FGFR2: variants seen among roughly 807,000 people sequenced by gnomAD.
FGFR2 encodes the protein fibroblast growth factor receptor 2.
Under a neutral mutation model 95.9 loss-of-function variants are expected in FGFR2, and 19 were observed. The ratio of observed to expected loss-of-function variants is 0.20; its 90% confidence interval spans 0.14 to 0.29. FGFR2 has a LOEUF of 0.29. Ranked by LOEUF, FGFR2 falls within the 10% of genes least tolerant of loss-of-function variation. The pLI, the probability that FGFR2 is intolerant of heterozygous loss-of-function variation, is 1.00. For synonymous variants in FGFR2, 392 were observed against 393.3 expected (o/e 1.00, Z 0.04); for missense variants, 707 against 1,056.9 (o/e 0.67, Z 4.59).
At chr10:121,546,887 A>G (rs1854596361) in intron 5 of FGFR2, among the ~76,000 whole-genome samples, 1 of 152,220 alleles carries the variant, frequency 6.6e-6, no homozygotes, top group South Asian at 2.1e-4. Flanking sequence ...CTTTCTGGAA[A>G]AATGTATCTT....
At chr10:121,564,424 G>A (rs1369119865) in intron 4 of FGFR2, 78 bp downstream of exon 4, 7 of 1,338,168 alleles carry the variant, frequency 5.2e-6, no homozygotes, top group East Asian at 2.3e-5. Context: ...CAGAAGAGTC[G>A]ACAAGAAGAC....
At chr10:121,519,056 G>A (rs41295553) in intron 7 of FGFR2, among the ~76,000 whole-genome samples, 2 of 152,334 alleles carry the variant, frequency 1.3e-5, no homozygotes, top group South Asian at 2.1e-4. Flanking sequence ...TGGATAGGTC[G>A]GGTGGGTCCC....
chr10:121,515,287 G>T lies in FGFR2; in HGVS notation c.1117C>A (p.Pro373Thr), dbSNP rs1458741036. 1 of 1,614,102 alleles carries T rather than the reference G, an allele frequency of 6.2e-7. No individual in the cohort carries two copies. Among genetic ancestry groups the T allele is most frequent in the Admixed American group, 1.7e-5 (1 of 60,012 alleles). ...TAAATGGCTATCTCCAGGTAGTCTG[G>T]GGAAGCTGTAATCTCCTTTTCTCTT... ...PGREKEITAS[P>T]DYLEIAIYCI... The change falls in exon 9 of 18, where the codon CCA becomes ACA. Residue 373 changes from proline to threonine, a missense_variant. Transcript: ENST00000358487.
At chr10:121,571,509 G>A (rs567036940) in intron 2 of FGFR2, among the ~76,000 whole-genome samples, 4 of 149,852 alleles carry the variant, frequency 2.7e-5, no homozygotes, top group South Asian at 4.2e-4. Context: ...GTTTTACCAC[G>A]TTGCCCAGCC....
rs186606223 is a variant in FGFR2 at position 121,488,159 on chromosome 10, C to T, written c.1864-46G>A. The T allele has an allele frequency of 9.5e-4, 1,535 of 1,609,024 alleles. 9 individuals are homozygous for T. The African/African-American group carries it at 0.019, about 20-fold the overall frequency. On this transcript the variant is annotated intron_variant, in intron 13 of 17. Coordinates refer to ENST00000358487, the MANE Select transcript of FGFR2 (RefSeq NM_000141.5). ...AGAGAAATAACTAATTTCAAAACAC[C>T]GCCAGAACAAAAAGGAAATATGTTC...
At chr10:121,592,465 C>T (rs1862797894) in intron 2 of FGFR2, among the ~76,000 whole-genome samples, 1 of 152,178 alleles carries the variant, frequency 6.6e-6, no homozygotes, top group Non-Finnish European at 1.5e-5. Context: ...GAGCTGCCAT[C>T]CCTCTGTGTA....
Position 121,483,728 on chromosome 10 carries a change from C to T in FGFR2, c.2271G>A (p.Leu757=), listed in dbSNP as rs1589707913. 1 of 1,613,976 alleles carries T rather than the reference C, an allele frequency of 6.2e-7. No individual in the cohort carries two copies. Among genetic ancestry groups the T allele is most frequent in the Non-Finnish European group, 8.5e-7 (1 of 1,180,012 alleles). Reference sequence around the variant, plus strand: ...TGGTTGTGAGAGTGAGAATTCGATCCAAGTCTTCTACCAACTGCTTGAACG... The same window carrying T: ...TGGTTGTGAGAGTGAGAATTCGATCTAAGTCTTCTACCAACTGCTTGAACG... ...RPTFKQLVED[L]DRILTLTTNE... The change falls in exon 17 of 18, where the codon TTG becomes TTA. Residue 757 remains leucine, a synonymous_variant. Transcript: ENST00000358487.
intron 4 of FGFR2, among the ~76,000 whole-genome samples, chr10:121,562,053 C>T (rs1857060868): frequency 6.6e-6 from 1 of 152,174 alleles, no homozygotes; most frequent in Non-Finnish European, 1.5e-5. Context: ...TGATGTGGAG[C>T]AACAGGAACT....
At chr10:121,597,522 T>G (rs1863625242) in intron 1 of FGFR2, among the ~76,000 whole-genome samples, 1 of 152,156 alleles carries the variant, frequency 6.6e-6, no homozygotes, top group Non-Finnish European at 1.5e-5. Flanking sequence ...AAAAGGGGTC[T>G]CCGCAGGGCC....
In FGFR2 at chr10:121,531,412, T is replaced by C. The variant is rs1016642603; in HGVS notation, c.748+7180A>G. On this transcript the variant is annotated intron_variant, in intron 6 of 17. Transcript: ENST00000358487. This position sits in a 1 kb window ranked among gnomAD's most constrained non-coding sequence, Gnocchi z 4.5. ...GAAACAGGAATGAAAAGCTGCTTTG[T>C]AGCAATCAAAAGCTCATTAAACAGT... 10 of 152,174 alleles carry C rather than the reference T, an allele frequency of 6.6e-5. No individual in the cohort carries two copies. Among genetic ancestry groups the C allele is most frequent in the African/African-American group, 2.4e-4 (10 of 41,442 alleles). The allele number at this position is 152,174 out of a possible 1,614,324, so 9.4% of individuals were successfully genotyped here. A position where few individuals can be genotyped will look rare whatever the true frequency, so the allele number is the denominator to read the frequency against.
chr10:121,557,812 T>C (rs1352794396), intron 4 of FGFR2, among the ~76,000 whole-genome samples: 1 of 152,176 alleles, frequency 6.6e-6, no homozygotes, highest in Non-Finnish European at 1.5e-5. Context: ...TTTGAACTGT[T>C]ATCGGCAGGT....
chr10:121,515,637 A>G (rs1394775097), intron 8 of FGFR2, among the ~76,000 whole-genome samples: 1 of 152,026 alleles, frequency 6.6e-6, no homozygotes, highest in African/African-American at 2.4e-5. Context: ...TGTACCCACA[A>G]TGAAAGGATT....
intron 13 of FGFR2, among the ~76,000 whole-genome samples, chr10:121,495,787 G>A (rs978598535): frequency 7.2e-5 from 11 of 152,210 alleles, no homozygotes; most frequent in Non-Finnish European, 1.5e-4. Flanking sequence ...ATGCAGGTAG[G>A]AGCAAGGCCC....
chr10:121,577,176 TATAGAG>T (rs1446452187), intron 2 of FGFR2, among the ~76,000 whole-genome samples: 25 of 7,494 alleles, frequency 3.3e-3, no homozygotes, highest in African/African-American at 0.011. Flanking sequence ...TATATATATA[TATAGAG>T]AGAGAGAGAG....
chr10:121,499,660 C>T (rs1847333388), intron 11 of FGFR2, among the ~76,000 whole-genome samples: 1 of 152,232 alleles, frequency 6.6e-6, no homozygotes, highest in Non-Finnish European at 1.5e-5. Context: ...ATTAGCAAAA[C>T]CAGAAGTTCC....
At chr10:121,527,093 T>G (rs1305049379) in intron 6 of FGFR2, 1 of 261,298 alleles carries the variant, frequency 3.8e-6, no homozygotes, top group Non-Finnish European at 7.2e-6. Flanking sequence ...CTCGATGAAG[T>G]GAAGAAGAGA....
intron 10 of FGFR2, among the ~76,000 whole-genome samples, chr10:121,503,303 G>C (rs1158316038): frequency 6.6e-6 from 1 of 152,196 alleles, no homozygotes; most frequent in African/African-American, 2.4e-5. Flanking sequence ...TAGATGTCAG[G>C]TACCATATTT....
Position 121,518,803 on chromosome 10 carries a change from T to C in FGFR2, c.939+1176A>G. The C allele has an allele frequency of 6.2e-7, 1 of 1,614,162 alleles. No homozygotes were observed. Among genetic ancestry groups the C allele is most frequent in the Non-Finnish European group, 8.5e-7 (1 of 1,180,008 alleles). ...TCACATTGAACAGAGCCAGCACTTC[T>C]GCATTGGAACTATTTATCCCCGAGT... is the stretch of plus-strand genomic sequence containing the variant. On this transcript the variant is annotated intron_variant, in intron 7 of 17. Transcript: ENST00000358487. This position sits in a 1 kb window ranked among gnomAD's most constrained non-coding sequence, Gnocchi z 4.0.
chr10:121,551,215 A>C, intron 5 of FGFR2, 75 bp downstream of exon 5: 2 of 1,540,520 alleles, frequency 1.3e-6, no homozygotes, highest in Non-Finnish European at 8.9e-7. Flanking sequence ...GCGAGACTCC[A>C]TCGCAAAAAA....
Sources: allele counts gnomAD v4.1 joint callset (sites outside exome capture counted in the v4.1 genomes callset), GRCh38; gene constraint gnomAD v4.1.1; non-coding constraint Gnocchi (gnomAD v3.1); transcripts MANE v1.5; gene names NCBI Gene and HGNC (gene_info 2026-07-23, HGNC 2026-07-21).